The following ZNF510 variants were observed in gnomAD, a reference collection of about 807,000 sequenced individuals.
ZNF510 encodes the protein zinc finger protein 510.
ZNF510 carries 15 observed loss-of-function variants against 18.1 expected under a neutral mutation model. The ratio of observed to expected loss-of-function variants is 0.83; its 90% CI spans 0.55 to 1.28. The LOEUF (loss-of-function observed/expected upper bound fraction) is 1.28, where lower values mean the gene tolerates loss of function less well. ZNF510 is among the 50% of genes most tolerant of loss of function. The pLI is 0.00. For missense variants in ZNF510, 724 were observed against 791.8 expected, an observed-to-expected ratio of 0.91 and a Z score of 1.03; for synonymous variants, 261 against 266.4, an observed-to-expected ratio of 0.98 and a Z score of 0.20.
chr9:96,758,202 G>C lies in ZNF510; in HGVS notation c.*576C>G, dbSNP rs1050819991. 6.6e-6 allele frequency: 1 copy of C among 152,224 alleles called. No homozygotes were observed. Among genetic ancestry groups the C allele is most frequent in the Non-Finnish European group, 1.5e-5 (1 of 68,070 alleles). 9.4% of individuals were successfully genotyped at this position (152,224 alleles called of 1,614,324 possible). A position where few individuals can be genotyped will look rare whatever the true frequency, so the allele number is the denominator to read the frequency against. On this transcript the variant is annotated 3_prime_UTR_variant, in exon 6 of 6. Coordinates refer to ENST00000223428, the MANE Select transcript of ZNF510 (RefSeq NM_014930.3). ...ACACAGAAGAGGAGAATTTTGCTGCGTGTATTCATTCAGGCACAGACTTCT... is the reference window on the plus strand; with the variant it reads ...ACACAGAAGAGGAGAATTTTGCTGCCTGTATTCATTCAGGCACAGACTTCT...
intron 3 of ZNF510, among the ~76,000 whole-genome samples, chr9:96,772,112 A>G (rs941095702): frequency 6.6e-6 from 1 of 152,220 alleles, no homozygotes; most frequent in Non-Finnish European, 1.5e-5. Context: ...TACAGTCTAC[A>G]TTAGACCCGC....
chr9:96,759,342 AG>A lies in ZNF510; in HGVS notation c.1487del (p.Thr496IlefsTer175). ...KPYECSECGK[T>X]FVQKSTLRDH... The stretch of plus-strand genomic sequence containing the variant: ...CTCTGAGGGTGGACTTCTGAACAAA[AG>A]TTTTCCCACATTCACTACATTCATA... On this transcript the variant is annotated frameshift_variant, in exon 6 of 6. Coordinates refer to ENST00000223428, the MANE Select transcript of ZNF510 (RefSeq NM_014930.3). LOFTEE classifies it low-confidence loss of function (END_TRUNC). 2 of 1,614,020 alleles carry A rather than the reference AG, an allele frequency of 1.2e-6. No individual in the cohort carries two copies. The highest frequency in any genetic ancestry group is 1.3e-5 in the African/African-American group (1 of 75,004).
Position 96,759,748 on chromosome 9 carries a change from T to C in ZNF510, c.1082A>G (p.Glu361Gly). Residue 361 changes from glutamate to glycine, a missense_variant, in exon 6 of 6, where the codon GAG (glutamate) becomes GGG (glycine). Transcript: ENST00000223428. ...TCTGTCATTACTTACCAATGGGTTC[T>C]CTTCTATGACAGCTGTTTGAGGATC... ...LTDPQTAVIE[E>G]NPLVSNDRTQ... is the part of the protein sequence containing the mutation. 6.2e-7 allele frequency: 1 copy of C among 1,614,086 alleles called. No homozygotes were observed. Among genetic ancestry groups the C allele is most frequent in the Non-Finnish European group, 8.5e-7 (1 of 1,180,000 alleles).
At chr9:96,774,655 T>C (rs971908854) in intron 3 of ZNF510, 133 bp downstream of exon 3, 1 of 763,354 alleles carries the variant, frequency 1.3e-6, no homozygotes, top group Non-Finnish European at 2.1e-6. Context: ...ATGCCAATTC[T>C]GCTGTGCTAC....
In ZNF510 at chr9:96,759,361, C is replaced by T. The variant is rs371724446; in HGVS notation, c.1469G>A (p.Cys490Tyr). The change falls in exon 6 of 6, where the codon TGT (cysteine) becomes TAT (tyrosine). Residue 490 changes from cysteine to tyrosine, a missense_variant. Coordinates refer to ENST00000223428, the MANE Select transcript of ZNF510 (RefSeq NM_014930.3). ...AACAAAAGTTTTCCCACATTCACTA[C>T]ATTCATAGGGTTTTTCTCCTGTGTG... ...RIHTGEKPYE[C>Y]SECGKTFVQK... 6.2e-7 allele frequency: 1 copy of T among 1,614,158 alleles called. No individual in the cohort carries two copies. The highest frequency in any genetic ancestry group is 1.1e-5 in the South Asian group (1 of 91,082).
At position 96,755,638 on chromosome 9, in the gene ZNF510, G is replaced by T. The variant is rs1447640102; in HGVS notation, c.*3140C>A. ...AATTCAGTAGCAGGCCAGAAAGATG[G>T]GTATTATGGTTCCTATACATGCCAG... is the stretch of plus-strand genomic sequence containing the variant. On this transcript the variant is annotated 3_prime_UTR_variant, in exon 6 of 6. Coordinates refer to ENST00000223428, the MANE Select transcript of ZNF510 (RefSeq NM_014930.3). 6.6e-6 allele frequency among the ~76,000 whole-genome samples: 1 copy of T among 151,896 alleles called. No homozygotes were observed. Among genetic ancestry groups the T allele is most frequent in the African/African-American group, 2.4e-5 (1 of 41,326 alleles).
chr9:96,755,090 C>G lies in ZNF510; in HGVS notation c.*3688G>C, dbSNP rs1849164981. 6.6e-6 allele frequency among the ~76,000 whole-genome samples: 1 copy of G among 152,208 alleles called. No individual in the cohort carries two copies. Among genetic ancestry groups the G allele is most frequent in the Non-Finnish European group, 1.5e-5 (1 of 68,040 alleles). On this transcript the variant is annotated 3_prime_UTR_variant, in exon 6 of 6. Coordinates refer to ENST00000223428, the MANE Select transcript of ZNF510 (RefSeq NM_014930.3). ...ATGGAAAGGTATCCTGTGGGCCGCCCTCTGCTAAGGGACAGCAGGTGAAGC... is the reference window on the plus strand; with the variant it reads ...ATGGAAAGGTATCCTGTGGGCCGCCGTCTGCTAAGGGACAGCAGGTGAAGC...
In ZNF510 at chr9:96,757,687, T is replaced by C. The variant is rs1212840090; in HGVS notation, c.*1091A>G. 6.6e-6 allele frequency: 1 copy of C among 152,120 alleles called. No individual in the cohort carries two copies. The highest frequency in any genetic ancestry group is 1.5e-5 in the Non-Finnish European group (1 of 67,962). 9.4% of individuals were successfully genotyped at this position (152,120 alleles called of 1,614,324 possible). A position where few individuals can be genotyped will look rare whatever the true frequency, so the allele number is the denominator to read the frequency against. ...CCACGGGTATACTGAACCCTGTATATACTATATTTTTTTCCTACATATACA... is the reference window on the plus strand; with the variant it reads ...CCACGGGTATACTGAACCCTGTATACACTATATTTTTTTCCTACATATACA... On this transcript the variant is annotated 3_prime_UTR_variant, in exon 6 of 6. Transcript: ENST00000223428.
chr9:96,761,417 C>T (rs1337375721), intron 5 of ZNF510, among the ~76,000 whole-genome samples: 1 of 152,214 alleles, frequency 6.6e-6, no homozygotes, highest in Non-Finnish European at 1.5e-5. Flanking sequence ...TACCTCTTAA[C>T]ATTTTATTAA....
intron 2 of ZNF510, 125 bp downstream of exon 2, chr9:96,775,875 T>G (rs1849687169): frequency 2.4e-6 from 3 of 1,244,110 alleles, no homozygotes; most frequent in African/African-American, 1.5e-5. Flanking sequence ...TGAGGAGGAT[T>G]AGAGACAATT....
chr9:96,760,169 T>G lies in ZNF510; in HGVS notation c.661A>C (p.Thr221Pro). The change falls in exon 6 of 6, where the codon ACT becomes CCT. Residue 221 changes from threonine (T) to proline (P), a missense_variant. Thr to Pro is a conservative substitution (Grantham distance 38). Transcript: ENST00000223428. ...TTATGTTCATAAAATTTCTCTCCAG[T>G]CTGAGTTTTCTCAAAGTTAATTTTG... ...PFKINFEKTQ[T>P]GEKFYEHNKN... 6.2e-7 allele frequency: 1 copy of G among 1,612,886 alleles called. No homozygotes were observed. Among genetic ancestry groups the G allele is most frequent in the Non-Finnish European group, 8.5e-7 (1 of 1,179,522 alleles).
intron 2 of ZNF510, among the ~76,000 whole-genome samples, chr9:96,775,113 G>A (rs1160638808): frequency 1.3e-5 from 2 of 151,612 alleles, no homozygotes; most frequent in Non-Finnish European, 2.9e-5. Flanking sequence ...AGGCTGGAGT[G>A]CAGCGGTGTG....
In ZNF510 at chr9:96,776,162, G is replaced by A; in HGVS notation, c.-93C>T. 1 of 1,519,082 alleles carries A rather than the reference G, an allele frequency of 6.6e-7. No individual in the cohort carries two copies. The highest frequency in any genetic ancestry group is 8.8e-7 in the Non-Finnish European group (1 of 1,130,272). The allele number at this position is 1,519,082 out of a possible 1,614,324, so 94.1% of individuals were successfully genotyped here. Reference sequence around the variant, plus strand: ...CTCCTTTCTGGGTTCTTCTGCATCTGTTTGGAAGCCCTGGTGAGGAGGTCT... The same window carrying A: ...CTCCTTTCTGGGTTCTTCTGCATCTATTTGGAAGCCCTGGTGAGGAGGTCT... On this transcript the variant is annotated 5_prime_UTR_variant, in exon 2 of 6. Coordinates refer to ENST00000223428, the MANE Select transcript of ZNF510 (RefSeq NM_014930.3).
intron 1 of ZNF510, chr9:96,777,781 G>GGT: frequency 6.6e-6 from 1 of 152,302 alleles, no homozygotes; most frequent in East Asian, 1.9e-4. Context: ...CGCGTTTTCC[G>GGT]ACGCCTGGCT....
chr9:96,777,509 A>G (rs1324524848), intron 1 of ZNF510: 2 of 152,234 alleles, frequency 1.3e-5, no homozygotes, highest in South Asian at 2.1e-4. Flanking sequence ...TCTTCCAAAT[A>G]TAACGGGAAT....
chr9:96,764,953 A>T (rs1564437556), intron 3 of ZNF510, among the ~76,000 whole-genome samples: 1 of 152,050 alleles, frequency 6.6e-6, no homozygotes, highest in Non-Finnish European at 1.5e-5. Context: ...TCTCTATTAA[A>T]AATACAAAAA....
intron 3 of ZNF510, among the ~76,000 whole-genome samples, chr9:96,770,057 C>A (rs575776798): frequency 6.6e-5 from 10 of 152,256 alleles, no homozygotes; most frequent in African/African-American, 2.4e-4. Context: ...TCAGAAGTTC[C>A]TTTTCTAGGA....
intron 3 of ZNF510, among the ~76,000 whole-genome samples, chr9:96,770,551 T>A (rs1384697911): frequency 6.6e-6 from 1 of 151,726 alleles, no homozygotes; most frequent in Non-Finnish European, 1.5e-5. Context: ...TGCAGTGAAC[T>A]GAGATCGTGC....
intron 2 of ZNF510, 71 bp downstream of exon 2, chr9:96,775,929 A>AAAAG: frequency 6.5e-7 from 1 of 1,543,572 alleles, no homozygotes; most frequent in Non-Finnish European, 8.8e-7. Flanking sequence ...GACCATGGAG[A>AAAAG]AAAGCCCTCC....
Sources: gnomAD v4.1 joint callset for allele counts (sites outside exome capture counted in the v4.1 genomes callset) on GRCh38, gnomAD v4.1.1 for gene constraint, MANE v1.5 for transcripts, NCBI Gene and HGNC (gene_info 2026-07-23, HGNC 2026-07-21) for gene names.